PTPRN2: variants seen among roughly 807,000 people sequenced by gnomAD.
PTPRN2 encodes protein tyrosine phosphatase receptor type N2.
In PTPRN2, 74 loss-of-function variants were observed where a neutral mutation model predicts 118.8. The observed-to-expected ratio is 0.62, with a 90% CI of 0.52 to 0.76. The LOEUF is 0.76. Ranked by LOEUF, PTPRN2 falls within the 30% of genes least tolerant of loss-of-function variation. The pLI is 0.00. For synonymous variants in PTPRN2, 641 were observed against 608.0 expected, an observed-to-expected ratio of 1.05 and a Z score of -0.80; for missense variants, 1,481 against 1,394.4, an observed-to-expected ratio of 1.06 and a Z score of -0.99.
chr7:158,240,747 T>A (rs992372366), intron 3 of PTPRN2, among the ~76,000 whole-genome samples: 2 of 152,252 alleles, frequency 1.3e-5, no homozygotes, highest in Non-Finnish European at 2.9e-5. Context: ...GTCTTTCTAA[T>A]GGCAAAAGGC....
intron 5 of PTPRN2, 51 bp downstream of exon 5, chr7:158,192,276 C>T (rs754973451): frequency 7.0e-7 from 1 of 1,419,366 alleles, no homozygotes; most frequent in Non-Finnish European, 9.2e-7. Flanking sequence ...CAGGTACCTG[C>T]ACCCTGAAGG....
intron 11 of PTPRN2, among the ~76,000 whole-genome samples, chr7:158,040,407 CACACACACAA>C (rs985212917): frequency 4.3e-4 from 65 of 149,944 alleles, no homozygotes; most frequent in African/African-American, 1.4e-3. Context: ...TTCACACACA[CACACACACAA>C]ACACACTGCA....
chr7:157,765,166 T>C (rs1233234781), intron 12 of PTPRN2, among the ~76,000 whole-genome samples: 1 of 141,994 alleles, frequency 7.0e-6, no homozygotes, highest in East Asian at 2.2e-4. Flanking sequence ...ATCCTTCTTT[T>C]ATCCATCCAA....
chr7:158,085,396 A>T (rs1245650462), intron 10 of PTPRN2, among the ~76,000 whole-genome samples: 2 of 9,862 alleles, frequency 2.0e-4, no homozygotes, highest in Non-Finnish European at 5.4e-4. Flanking sequence ...ATCCACACCC[A>T]CGACGCCCAT....
intron 11 of PTPRN2, among the ~76,000 whole-genome samples, chr7:158,005,145 G>C (rs1023349529): frequency 6.6e-6 from 1 of 151,550 alleles, no homozygotes; most frequent in African/African-American, 2.4e-5. Context: ...TGTGATCTCG[G>C]CTCACCACAA....
At chr7:158,187,182 A>C (rs1825236469) in intron 5 of PTPRN2, among the ~76,000 whole-genome samples, 1 of 152,248 alleles carries the variant, frequency 6.6e-6, no homozygotes, top group Admixed American at 6.5e-5. Flanking sequence ...CTCGCTAATG[A>C]ACAAAGAGAA....
rs1012154061 is a variant in PTPRN2 at position 157,622,686 on chromosome 7, C to T, written c.2197-1177G>A. Among the ~76,000 whole-genome samples the T allele has an allele frequency of 2.0e-5, 3 of 152,166 alleles. No individual in the cohort carries two copies. The highest frequency in any genetic ancestry group is 4.8e-5 in the African/African-American group (2 of 41,440). On this transcript the variant is annotated intron_variant, in intron 14 of 22. Transcript: ENST00000389418. The surrounding 1 kb of genome is among the most constrained non-coding windows in gnomAD (Gnocchi z 5.3). ...GTGCATCGGGCACCTGTGCTGTTTGCGCGACACCCCCGCATCTGGGTGGGT... is the reference window on the plus strand; with the variant it reads ...GTGCATCGGGCACCTGTGCTGTTTGTGCGACACCCCCGCATCTGGGTGGGT...
At chr7:158,347,355 C>T (rs1013920158) in intron 2 of PTPRN2, among the ~76,000 whole-genome samples, 1 of 152,128 alleles carries the variant, frequency 6.6e-6, no homozygotes, top group Admixed American at 6.5e-5. Context: ...AGACACTGTC[C>T]TTTTCCCATT....
Position 157,603,987 on chromosome 7 carries a change from C to T in PTPRN2, c.2418+15G>A, listed in dbSNP as rs200279104. The T allele has an allele frequency of 5.0e-5, 81 of 1,612,750 alleles. No homozygotes were observed. The African/African-American group carries it at 8.3e-4, about 16-fold the overall frequency. ...AAGGGAAAGCCTGGGGCCCCTGTCC[C>T]GGCAGTGCACTTACGATGGGGCTAG... On this transcript the variant is annotated intron_variant, in intron 16 of 22. Transcript: ENST00000389418. This position sits in a 1 kb window ranked among gnomAD's most constrained non-coding sequence, Gnocchi z 5.4.
At chr7:158,261,316 G>A (rs1479589865) in intron 3 of PTPRN2, among the ~76,000 whole-genome samples, 1 of 147,882 alleles carries the variant, frequency 6.8e-6, no homozygotes, top group Non-Finnish European at 1.5e-5. Flanking sequence ...GACAGGGCAA[G>A]GAGTCAGGGG....
chr7:157,642,866 G>A (rs138543594), intron 14 of PTPRN2, among the ~76,000 whole-genome samples: 148 of 146,666 alleles, frequency 1.0e-3, no homozygotes, highest in Non-Finnish European at 1.7e-3. Flanking sequence ...GCAGGGCTGC[G>A]GGACAGTGGG....
chr7:158,110,171 C>T (rs575099854), intron 10 of PTPRN2, among the ~76,000 whole-genome samples: 1 of 152,376 alleles, frequency 6.6e-6, no homozygotes, highest in South Asian at 2.1e-4. Flanking sequence ...TCTCTCTGAC[C>T]TCTCCACACC....
chr7:158,097,973 C>T (rs995162235), intron 10 of PTPRN2, among the ~76,000 whole-genome samples: 11 of 152,266 alleles, frequency 7.2e-5, no homozygotes, highest in Admixed American at 5.9e-4. Context: ...ACCGCGTGGC[C>T]GTGTCTCCCG....
intron 11 of PTPRN2, among the ~76,000 whole-genome samples, chr7:157,993,000 TG>T (rs1804366023): frequency 6.6e-6 from 1 of 152,220 alleles, no homozygotes; most frequent in South Asian, 2.1e-4. Flanking sequence ...CCCGTCTTAC[TG>T]GGAGGTGTTC....
chr7:158,262,137 A>G (rs1205646652), intron 3 of PTPRN2, among the ~76,000 whole-genome samples: 1 of 152,146 alleles, frequency 6.6e-6, no homozygotes, highest in East Asian at 1.9e-4. Context: ...GGCCACAGTG[A>G]CTGCCCCAAA....
At chr7:158,187,873 A>C (rs1563575710) in intron 5 of PTPRN2, among the ~76,000 whole-genome samples, 1 of 152,200 alleles carries the variant, frequency 6.6e-6, no homozygotes, top group East Asian at 1.9e-4. Context: ...CATCGTGTGT[A>C]GGAGATTCCA....
intron 2 of PTPRN2, among the ~76,000 whole-genome samples, chr7:158,487,205 T>G (rs1821095044): frequency 6.6e-6 from 1 of 152,250 alleles, no homozygotes; most frequent in Admixed American, 6.5e-5. Flanking sequence ...CTTTCGCCTT[T>G]GGCTGTTGTG....
chr7:158,115,946 C>G (rs893663316), intron 9 of PTPRN2, among the ~76,000 whole-genome samples: 2 of 152,176 alleles, frequency 1.3e-5, no homozygotes, highest in South Asian at 2.1e-4. Context: ...TCAGATGGAA[C>G]AGGGAAGGAG....
Position 157,881,845 on chromosome 7 carries a change from A to G in PTPRN2, c.1788+16828T>C, listed in dbSNP as rs1033362195. ...CTTTGTTTCACAGGAATGAAAGTGA[A>G]GGTAAAGTTTGTGCCTGTAAACTAC... On this transcript the variant is annotated intron_variant, in intron 12 of 22. Coordinates refer to ENST00000389418, the MANE Select transcript of PTPRN2 (RefSeq NM_002847.5). The surrounding 1 kb of genome is among the most constrained non-coding windows in gnomAD (Gnocchi z 4.7). Among the ~76,000 whole-genome samples, 3 of 152,198 alleles carry G rather than the reference A, an allele frequency of 2.0e-5. No homozygotes were observed. The highest frequency in any genetic ancestry group is 4.4e-5 in the Non-Finnish European group (3 of 68,038).
Sources: allele counts gnomAD v4.1 joint callset (sites outside exome capture counted in the v4.1 genomes callset), GRCh38; gene constraint gnomAD v4.1.1; non-coding constraint Gnocchi (gnomAD v3.1); transcripts MANE v1.5; gene names NCBI Gene and HGNC (gene_info 2026-07-23, HGNC 2026-07-21).